Variants in C2CD3 observed in about 807,000 individuals in gnomAD.
C2CD3 encodes the protein C2 domain containing 3 centriole elongation regulator, also known as C2 domain-containing protein 3.
In C2CD3, 148 loss-of-function variants were observed where a neutral mutation model predicts 234.0. The ratio of observed to expected loss-of-function variants is 0.63; its 90% CI spans 0.55 to 0.72. C2CD3 has a LOEUF of 0.72. C2CD3 is among the 30% of genes least tolerant of loss of function. C2CD3 has a pLI of 0.00. For synonymous variants in C2CD3, 1,000 were observed against 1,035.4 expected (o/e 0.97, Z 0.66); for missense variants, 2,577 against 2,811.5 (o/e 0.92, Z 1.89).
intron 22 of C2CD3, among the ~76,000 whole-genome samples, chr11:74,083,106 T>C (rs1299756506): frequency 2.0e-5 from 3 of 148,406 alleles, no homozygotes; most frequent in African/African-American, 5.3e-5. Flanking sequence ...TATTGACCAA[T>C]AGACAGAACA....
intron 7 of C2CD3, among the ~76,000 whole-genome samples, chr11:74,127,609 T>C (rs1209887712): frequency 1.3e-5 from 2 of 152,192 alleles, no homozygotes; most frequent in African/African-American, 4.8e-5. Flanking sequence ...CTGGGTCACA[T>C]GGTAAACATT....
intron 7 of C2CD3, among the ~76,000 whole-genome samples, chr11:74,131,200 G>A (rs1957666536): frequency 6.6e-6 from 1 of 151,450 alleles, no homozygotes; most frequent in Non-Finnish European, 1.5e-5. Context: ...GCTCACGCCT[G>A]TAATCCCAGC....
chr11:74,078,836 C>T, intron 22 of C2CD3, 119 bp from the exon 23 acceptor site: 2 of 895,252 alleles, frequency 2.2e-6, no homozygotes, highest in Middle Eastern at 2.7e-4. Context: ...AGAAAACATA[C>T]CCACAGTGAG....
intron 20 of C2CD3, among the ~76,000 whole-genome samples, chr11:74,088,802 A>T (rs969075666): frequency 6.6e-6 from 1 of 152,136 alleles, no homozygotes; most frequent in African/African-American, 2.4e-5. Context: ...CACCAAAATA[A>T]TTTTCACCCC....
chr11:74,030,564 C>T lies in C2CD3; in HGVS notation c.6810-2166G>A, dbSNP rs115693301. The stretch of plus-strand genomic sequence containing the variant: ...ACCTCTCTCTCCGCTGCTTCTCCCA[C>T]CTCCTGACCAGCTCTCCTCATCTCC... On this transcript the variant is annotated intron_variant, in intron 31 of 32. Transcript: ENST00000334126. Among the ~76,000 whole-genome samples, 209 of 152,334 alleles carry T rather than the reference C, an allele frequency of 1.4e-3. 3 individuals are homozygous for T. The highest frequency in any genetic ancestry group is 4.3e-3 in the African/African-American group (177 of 41,586).
At chr11:74,127,808 T>A (rs1411232774) in intron 7 of C2CD3, among the ~76,000 whole-genome samples, 6 of 152,128 alleles carry the variant, frequency 3.9e-5, no homozygotes, top group Non-Finnish European at 7.4e-5. Flanking sequence ...AAGTAGTATC[T>A]CATTGTCTTG....
intron 22 of C2CD3, among the ~76,000 whole-genome samples, chr11:74,080,982 G>A (rs1348247871): frequency 1.3e-5 from 2 of 152,006 alleles, no homozygotes; most frequent in African/African-American, 4.8e-5. Context: ...CTTCTCTCTG[G>A]CAGGCACATA....
At chr11:74,044,849 C>T (rs1217402619) in intron 28 of C2CD3, among the ~76,000 whole-genome samples, 2 of 150,612 alleles carry the variant, frequency 1.3e-5, no homozygotes, top group Non-Finnish European at 2.9e-5. Flanking sequence ...AGGATAATGG[C>T]CTCCAGCTGC....
chr11:74,034,211 G>C lies in C2CD3; in HGVS notation c.5949C>G (p.Asn1983Lys), dbSNP rs1171269461. The change falls in exon 31 of 33, where the codon AAC becomes AAG. Residue 1983 changes from asparagine to lysine, a missense_variant. By Grantham distance (94) the Asn-to-Lys change is moderately conservative. Transcript: ENST00000334126. Reference protein sequence around the residue: ...LSSHRARSRSNKATTLPDAQD... With the variant: ...LSSHRARSRSKKATTLPDAQD... The stretch of plus-strand genomic sequence containing the variant: ...GAGCATCTGGGAGGGTGGTGGCCTT[G>C]TTGCTTCTACTCCTGGCTCGGTGAG... 1 of 1,536,064 alleles carries C rather than the reference G, an allele frequency of 6.5e-7. No individual in the cohort carries two copies. The highest frequency in any genetic ancestry group is 1.4e-5 in the African/African-American group (1 of 73,012).
intron 3 of C2CD3, among the ~76,000 whole-genome samples, chr11:74,150,649 C>T (rs896350638): frequency 1.3e-5 from 2 of 151,050 alleles, no homozygotes; most frequent in Non-Finnish European, 3.0e-5. Context: ...TCATTTATAC[C>T]TTTTCCAAGC....
chr11:74,095,210 C>T lies in C2CD3; in HGVS notation c.3160+18G>A. On this transcript the variant is annotated intron_variant, in intron 17 of 32. Transcript: ENST00000334126. ...AAAGAACCATATAAGAATAAGAAAG[C>T]CTAATATCTAAACCTACCATTTTCA... 1 of 1,537,626 alleles carries T rather than the reference C, an allele frequency of 6.5e-7. No homozygotes were observed. Among genetic ancestry groups the T allele is most frequent in the Non-Finnish European group, 8.8e-7 (1 of 1,136,604 alleles).
chr11:74,038,295 CATAA>C (rs1234011903), intron 29 of C2CD3, among the ~76,000 whole-genome samples: 1 of 152,168 alleles, frequency 6.6e-6, no homozygotes, highest in East Asian at 1.9e-4. Context: ...GATAAAAGGA[CATAA>C]ATAAGTGATT....
intron 21 of C2CD3, 114 bp downstream of exon 21, chr11:74,085,504 G>T: frequency 1.9e-6 from 2 of 1,043,540 alleles, no homozygotes; most frequent in African/African-American, 1.6e-5. Flanking sequence ...ATAAGTTGCA[G>T]AGATTATGAC....
At position 74,138,927 on chromosome 11, in the gene C2CD3, T is replaced by A; in HGVS notation, c.748A>T (p.Ile250Leu). 1 of 1,610,852 alleles carries A rather than the reference T, an allele frequency of 6.2e-7. No individual in the cohort carries two copies. Among genetic ancestry groups the A allele is most frequent in the Non-Finnish European group, 8.5e-7 (1 of 1,176,996 alleles). Residue 250 changes from isoleucine (I) to leucine (L), a missense_variant, in exon 5 of 33, where the codon ATA (isoleucine) becomes TTA (leucine). Transcript: ENST00000334126. ...HVCFAENPDT[I>L]KDSSFGLQHS... ...TGTAGTCCAAAGGAAGAATCCTTTA[T>A]TGTATCAGGGTTCTCTGCAAAGCAT...
intron 3 of C2CD3, among the ~76,000 whole-genome samples, chr11:74,154,796 C>G (rs1003014116): frequency 2.0e-5 from 3 of 152,054 alleles, no homozygotes; most frequent in Non-Finnish European, 4.4e-5. Flanking sequence ...AGTCTGTGAA[C>G]TCCTGAAGAA....
chr11:74,153,435 T>C (rs1018116907), intron 3 of C2CD3, among the ~76,000 whole-genome samples: 2 of 152,216 alleles, frequency 1.3e-5, no homozygotes, highest in Admixed American at 6.5e-5. Flanking sequence ...TCATTGTCTA[T>C]AGAGAAAATT....
At chr11:74,042,752 TAAA>T (rs35623397) in intron 28 of C2CD3, among the ~76,000 whole-genome samples, 1 of 140,224 alleles carries the variant, frequency 7.1e-6, no homozygotes, top group African/African-American at 2.5e-5. Context: ...GACTCTGTCT[TAAA>T]AAAAAAAAAG....
chr11:74,076,147 G>C (rs138706690), intron 23 of C2CD3, among the ~76,000 whole-genome samples: 20 of 152,284 alleles, frequency 1.3e-4, no homozygotes, highest in Non-Finnish European at 4.4e-5. Context: ...ATTTTCTGTA[G>C]TCCCTTTGAA....
At chr11:74,127,878 T>C (rs1341858719) in intron 7 of C2CD3, among the ~76,000 whole-genome samples, 1 of 152,142 alleles carries the variant, frequency 6.6e-6, no homozygotes, top group Non-Finnish European at 1.5e-5. Flanking sequence ...TTTTTTTTTT[T>C]TTGAGACGGA....
Sources: gnomAD v4.1 joint callset for allele counts (sites outside exome capture counted in the v4.1 genomes callset) on GRCh38, gnomAD v4.1.1 for gene constraint, MANE v1.5 for transcripts, NCBI Gene and HGNC (gene_info 2026-07-23, HGNC 2026-07-21) for gene names.